The following GALNT9 variants were observed in gnomAD, a reference collection of about 807,000 sequenced individuals.
The protein encoded by GALNT9 is GalNAc transferase 9.
GALNT9 carries 47 observed loss-of-function variants against 63.1 expected under a neutral mutation model. The observed-to-expected ratio is 0.75, with a 90% CI of 0.59 to 0.95. The LOEUF (loss-of-function observed/expected upper bound fraction) is 0.95, where lower values mean the gene tolerates loss of function less well. Ranked by LOEUF, GALNT9 falls within the 40% of genes least tolerant of loss-of-function variation. GALNT9 has a pLI of 0.00. For missense variants in GALNT9, 829 were observed against 874.8 expected (o/e 0.95, Z 0.66); for synonymous variants, 396 against 365.7 (o/e 1.08, Z -0.94).
intron 6 of GALNT9, among the ~76,000 whole-genome samples, chr12:132,204,296 A>G (rs1349860448): frequency 6.6e-6 from 1 of 151,956 alleles, no homozygotes; most frequent in Non-Finnish European, 1.5e-5. Context: ...CAGCCTTCCT[A>G]TACGTGCTCT....
intron 10 of GALNT9, 103 bp from the exon 11 acceptor site, chr12:132,197,356 C>T (rs1350805524): frequency 6.7e-7 from 1 of 1,495,218 alleles, no homozygotes; most frequent in Non-Finnish European, 8.9e-7. Flanking sequence ...CGTGCTCATT[C>T]TTGGGGCAGC....
intron 6 of GALNT9, among the ~76,000 whole-genome samples, chr12:132,227,435 G>C (rs1031834758): frequency 4.4e-4 from 67 of 152,206 alleles, no homozygotes; most frequent in Non-Finnish European, 8.2e-4. Flanking sequence ...CTCAGGCCGC[G>C]TTACACCCAG....
rs891283709 is a variant in GALNT9 at position 132,265,589 on chromosome 12, C to G, written c.420-2964G>C. 6.6e-6 allele frequency among the ~76,000 whole-genome samples: 1 copy of G among 152,206 alleles called. No individual in the cohort carries two copies. Among genetic ancestry groups the G allele is most frequent in the African/African-American group, 2.4e-5 (1 of 41,454 alleles). ...TGAAGCCCCCGGGCCCCTTTTGCAGCAGGCTTCGCAAGGTAAGCAGCCCCA... is the reference window on the plus strand; with the variant it reads ...TGAAGCCCCCGGGCCCCTTTTGCAGGAGGCTTCGCAAGGTAAGCAGCCCCA... On this transcript the variant is annotated intron_variant, in intron 2 of 10. Coordinates refer to ENST00000328957, the MANE Select transcript of GALNT9 (RefSeq NM_001122636.2). This position sits in a 1 kb window ranked among gnomAD's most constrained non-coding sequence, Gnocchi z 5.3.
At chr12:132,215,351 T>C (rs10751711) in intron 6 of GALNT9, among the ~76,000 whole-genome samples, 90,331 of 152,194 alleles carry the variant, frequency 0.59, 27,011 homozygotes, top group East Asian at 0.78. Context: ...AGTTTCTAAA[T>C]GGAGGCCAGG....
chr12:132,318,581 G>A (rs571922069), intron 1 of GALNT9, among the ~76,000 whole-genome samples: 23 of 152,362 alleles, frequency 1.5e-4, no homozygotes, highest in Admixed American at 2.6e-4. Flanking sequence ...GTAGGATCAC[G>A]CAGAGCTGGT....
intron 1 of GALNT9, among the ~76,000 whole-genome samples, chr12:132,297,735 C>T (rs1419240666): frequency 1.3e-5 from 2 of 152,008 alleles, no homozygotes; most frequent in Non-Finnish European, 2.9e-5. Context: ...AGATAACCAA[C>T]ACACTCCCAT....
chr12:132,214,443 C>A lies in GALNT9; in HGVS notation c.1078-10753G>T, dbSNP rs561579604. Among the ~76,000 whole-genome samples the A allele has an allele frequency of 2.6e-3, 403 of 152,358 alleles. 2 individuals are homozygous for A. Among genetic ancestry groups the A allele is most frequent in the Middle Eastern group, 6.8e-3 (2 of 294 alleles). On this transcript the variant is annotated intron_variant, in intron 6 of 10. Transcript: ENST00000328957. ...TTCCTAGAGCTAGTGAGCACCCCCC[C>A]AGCGTCTTTCCAAATGCAAACCAGG...
intron 1 of GALNT9, among the ~76,000 whole-genome samples, chr12:132,317,434 C>A (rs1221734420): frequency 2.0e-5 from 3 of 152,224 alleles, no homozygotes; most frequent in African/African-American, 7.2e-5. Flanking sequence ...GCCACTCTTC[C>A]GTCCACACTG....
chr12:132,240,262 C>T (rs754568825), intron 6 of GALNT9, among the ~76,000 whole-genome samples: 4 of 152,130 alleles, frequency 2.6e-5, no homozygotes, highest in Non-Finnish European at 5.9e-5. Context: ...CCAAGTCAGG[C>T]GCCGCCATCG....
intron 5 of GALNT9, among the ~76,000 whole-genome samples, chr12:132,256,806 GT>G (rs1214473213): frequency 1.3e-5 from 2 of 152,224 alleles, no homozygotes; most frequent in African/African-American, 4.8e-5. Context: ...CCATGTCCTT[GT>G]CAACATTTGG....
At chr12:132,317,746 G>A (rs1555245829) in intron 1 of GALNT9, among the ~76,000 whole-genome samples, 2 of 152,146 alleles carry the variant, frequency 1.3e-5, no homozygotes, top group African/African-American at 4.8e-5. Context: ...GGCCCCTCCA[G>A]CCCCGGGGCC....
intron 1 of GALNT9, among the ~76,000 whole-genome samples, chr12:132,314,763 T>C (rs28396330): frequency 0.55 from 84,029 of 151,996 alleles, 23,438 homozygotes; most frequent in East Asian, 0.75. Flanking sequence ...GTGAATGAAG[T>C]GTGAATCGGA....
At chr12:132,292,616 GC>G (rs1880904495) in intron 1 of GALNT9, among the ~76,000 whole-genome samples, 1 of 152,248 alleles carries the variant, frequency 6.6e-6, no homozygotes, top group African/African-American at 2.4e-5. Flanking sequence ...TGTGGGAAGA[GC>G]CTTGTCTTTG....
chr12:132,266,019 C>T (rs979468995), intron 2 of GALNT9, among the ~76,000 whole-genome samples: 10 of 150,840 alleles, frequency 6.6e-5, no homozygotes, highest in African/African-American at 2.2e-4. Flanking sequence ...TGCCTTTACA[C>T]GCCCGACCTC....
intron 1 of GALNT9, among the ~76,000 whole-genome samples, chr12:132,294,496 T>C (rs1555243048): frequency 1.3e-5 from 2 of 152,208 alleles, no homozygotes; most frequent in Non-Finnish European, 1.5e-5. Flanking sequence ...CTCCGGGTGA[T>C]GCTGAGGCTG....
chr12:132,201,595 C>T (rs1022838986), intron 7 of GALNT9, among the ~76,000 whole-genome samples: 3 of 152,180 alleles, frequency 2.0e-5, no homozygotes, highest in Non-Finnish European at 4.4e-5. Flanking sequence ...CCTTACTGCA[C>T]GGCATCAGCC....
At chr12:132,219,650 C>A (rs1005252320) in intron 6 of GALNT9, among the ~76,000 whole-genome samples, 3 of 151,996 alleles carry the variant, frequency 2.0e-5, no homozygotes, top group African/African-American at 7.3e-5. Flanking sequence ...CAGCAGCACC[C>A]GCGCTTGGGT....
chr12:132,215,939 A>G (rs1877168369), intron 6 of GALNT9, among the ~76,000 whole-genome samples: 1 of 152,228 alleles, frequency 6.6e-6, no homozygotes, highest in East Asian at 1.9e-4. Flanking sequence ...CCCCTCCCCA[A>G]TCCCCTGTCC....
Position 132,261,098 on chromosome 12 carries a change from T to G in GALNT9, c.611A>C (p.Gln204Pro). The change falls in exon 4 of 11, where the codon CAG becomes CCG. Residue 204 changes from glutamine (Q) to proline (P), a missense_variant. By Grantham distance (76) the Gln-to-Pro change is moderately conservative. Coordinates refer to ENST00000328957, the MANE Select transcript of GALNT9 (RefSeq NM_001122636.2). ...GCCTGGGTACCGCTTGTTGACGTAC[T>G]GGTCCAGATTGAACTTGAGTTCCAC... Reference protein sequence around the residue: ...DNVELKFNLDQYVNKRYPGLV... With the variant: ...DNVELKFNLDPYVNKRYPGLV... 4 of 1,551,470 alleles carry G rather than the reference T, an allele frequency of 2.6e-6. No homozygotes were observed. Among genetic ancestry groups the G allele is most frequent in the Non-Finnish European group, 3.5e-6 (4 of 1,146,946 alleles).
Sources: gnomAD v4.1 joint callset for allele counts (sites outside exome capture counted in the v4.1 genomes callset) on GRCh38, gnomAD v4.1.1 for gene constraint, Gnocchi (gnomAD v3.1) non-coding constraint, MANE v1.5 for transcripts, NCBI Gene and HGNC (gene_info 2026-07-23, HGNC 2026-07-21) for gene names.